DRC9: variants seen among roughly 807,000 people sequenced by gnomAD.
DRC9 encodes dynein regulatory complex protein 9.
At chr3:197,924,957 A>G in the DRC9 span, among the ~76,000 whole-genome samples, 2 of 152,224 alleles carry the variant, frequency 1.3e-5, no homozygotes, top group African/African-American at 4.8e-5. Context: ...TTCTTATAAA[A>G]GTAAACTAGA....
chr3:197,900,111 A>G, the DRC9 span, among the ~76,000 whole-genome samples: 58,397 of 152,142 alleles, frequency 0.38, 15,543 homozygotes, highest in African/African-American at 0.77. This position sits in a 1 kb window ranked among gnomAD's most constrained non-coding sequence, Gnocchi z 4.7. Context: ...CCAGCCTAGC[A>G]GTGGGACCCG....
chr3:197,907,948 C>G, the DRC9 span, among the ~76,000 whole-genome samples: 32 of 149,494 alleles, frequency 2.1e-4, no homozygotes, highest in African/African-American at 5.9e-4. Flanking sequence ...GAAGTTATCA[C>G]AGGGGTGACT....
the DRC9 span, among the ~76,000 whole-genome samples, chr3:197,895,440 C>T: frequency 6.6e-6 from 1 of 152,020 alleles, no homozygotes; most frequent in Non-Finnish European, 1.5e-5. Context: ...CGGCTACTTT[C>T]TTGTATTTTT....
At chr3:197,897,667 A>G in the DRC9 span, among the ~76,000 whole-genome samples, 4 of 152,196 alleles carry the variant, frequency 2.6e-5, no homozygotes, top group Non-Finnish European at 5.9e-5. Context: ...TATTGTCTGT[A>G]ACAGAGATTG....
the DRC9 span, among the ~76,000 whole-genome samples, chr3:197,925,463 T>A: frequency 1.4e-5 from 2 of 147,206 alleles, no homozygotes; most frequent in Admixed American, 1.4e-4. Flanking sequence ...GGTGGGGGTG[T>A]ATGTGGTGGG....
chr3:197,950,462 C>A, the DRC9 span: 1 of 535,626 alleles, frequency 1.9e-6, no homozygotes, highest in Non-Finnish European at 2.7e-6. Context: ...CGGAGTGAAA[C>A]GATGTTTTTG....
the DRC9 span, chr3:197,949,702 GAGAA>G: frequency 5.1e-6 from 1 of 196,562 alleles, no homozygotes; most frequent in African/African-American, 2.3e-5. Context: ...AAAGAAAAAA[GAGAA>G]GGAAGAGGTC....
the DRC9 span, among the ~76,000 whole-genome samples, chr3:197,936,897 G>A: frequency 6.6e-6 from 1 of 152,144 alleles, no homozygotes; most frequent in Non-Finnish European, 1.5e-5. Flanking sequence ...CTTTCTGTCC[G>A]ATGCAGATCT....
the DRC9 span, among the ~76,000 whole-genome samples, chr3:197,931,590 A>C: frequency 6.6e-6 from 1 of 152,212 alleles, no homozygotes; most frequent in Admixed American, 6.5e-5. Flanking sequence ...GTTATTGTTC[A>C]GTGATTTTCA....
At chr3:197,960,092 A>C in the DRC9 span, 1 of 759,516 alleles carries the variant, frequency 1.3e-6, no homozygotes, top group East Asian at 2.8e-5. Flanking sequence ...CGCCGCCCTC[A>C]TCTTCTGCGG....
the DRC9 span, among the ~76,000 whole-genome samples, chr3:197,933,750 C>G: frequency 6.6e-6 from 1 of 151,656 alleles, no homozygotes; most frequent in Non-Finnish European, 1.5e-5. Flanking sequence ...TGTTGTGATA[C>G]TTTTATTATG....
the DRC9 span, among the ~76,000 whole-genome samples, chr3:197,911,107 A>G: frequency 2.6e-5 from 4 of 152,212 alleles, no homozygotes; most frequent in African/African-American, 9.6e-5. Flanking sequence ...CGTGTCATAT[A>G]TATTTCACAC....
chr3:197,890,294 GTT>G, the DRC9 span, among the ~76,000 whole-genome samples: 3 of 151,868 alleles, frequency 2.0e-5, no homozygotes, highest in Non-Finnish European at 2.9e-5. Flanking sequence ...AGTCCCAGCT[GTT>G]TGGGAGGCTG....
chr3:197,890,024 T>C, the DRC9 span, among the ~76,000 whole-genome samples: 1 of 152,178 alleles, frequency 6.6e-6, no homozygotes, highest in African/African-American at 2.4e-5. Context: ...AAAGTCCAGG[T>C]TCCCCATACT....
chr3:197,898,105 T>C, the DRC9 span, among the ~76,000 whole-genome samples: 1 of 152,088 alleles, frequency 6.6e-6, no homozygotes, highest in Non-Finnish European at 1.5e-5. Flanking sequence ...CATTTCACAT[T>C]CTGAGACCAC....
the DRC9 span, among the ~76,000 whole-genome samples, chr3:197,923,436 C>A: frequency 6.6e-6 from 1 of 152,176 alleles, no homozygotes; most frequent in East Asian, 1.9e-4. Context: ...TATAAACTTA[C>A]AATATTCTCA....
the DRC9 span, chr3:197,952,401 C>G: frequency 2.0e-5 from 3 of 152,124 alleles, no homozygotes; most frequent in Admixed American, 6.5e-5. Context: ...AACTCCTGAA[C>G]TTGTGATCCA....
At chr3:197,935,938 A>G in the DRC9 span, among the ~76,000 whole-genome samples, 6 of 152,288 alleles carry the variant, frequency 3.9e-5, no homozygotes, top group Admixed American at 3.9e-4. Context: ...AATTGCAAAT[A>G]AAAGCCAATT....
the DRC9 span, among the ~76,000 whole-genome samples, chr3:197,922,438 G>A: frequency 6.6e-6 from 1 of 152,144 alleles, no homozygotes; most frequent in East Asian, 1.9e-4. Flanking sequence ...AGGCACAGTG[G>A]CTCACATCTG....
Sources: allele counts gnomAD v4.1 joint callset (sites outside exome capture counted in the v4.1 genomes callset), GRCh38; gene constraint gnomAD v4.1.1; non-coding constraint Gnocchi (gnomAD v3.1); transcripts MANE v1.5; gene names NCBI Gene and HGNC (gene_info 2026-07-23, HGNC 2026-07-21).